The following KCNB2 variants were observed in gnomAD, a reference collection of about 807,000 sequenced individuals.
The protein encoded by KCNB2 is delayed rectifier potassium channel protein.
In KCNB2, 15 loss-of-function variants were observed where a neutral mutation model predicts 61.5. The ratio of observed to expected loss-of-function variants is 0.24; its 90% confidence interval spans 0.16 to 0.38. The LOEUF (loss-of-function observed/expected upper bound fraction) is 0.38. KCNB2 is among the 10% of genes least tolerant of loss of function. KCNB2 has a pLI of 1.00. For synonymous variants in KCNB2, 457 were observed against 446.0 expected (o/e 1.02, Z -0.31); for missense variants, 828 against 1,125.2 (o/e 0.74, Z 3.78).
intron 2 of KCNB2, among the ~76,000 whole-genome samples, chr8:72,657,578 C>A (rs1043579432): frequency 1.3e-5 from 2 of 152,062 alleles, no homozygotes; most frequent in African/African-American, 2.4e-5. Flanking sequence ...AAATTCACTT[C>A]GAAGGTACAT....
intron 2 of KCNB2, among the ~76,000 whole-genome samples, chr8:72,909,906 T>C (rs1370922312): frequency 6.6e-6 from 1 of 152,094 alleles, no homozygotes; most frequent in Non-Finnish European, 1.5e-5. Context: ...ATTTGAGGTA[T>C]GTTTGAGTGA....
chr8:72,647,118 T>A (rs1032847156), intron 2 of KCNB2, among the ~76,000 whole-genome samples: 2 of 151,980 alleles, frequency 1.3e-5, no homozygotes, highest in Non-Finnish European at 2.9e-5. Flanking sequence ...GCGTGAGGGG[T>A]TGGCAGGCTG....
At chr8:72,802,094 T>C (rs1008250412) in intron 2 of KCNB2, among the ~76,000 whole-genome samples, 4 of 152,238 alleles carry the variant, frequency 2.6e-5, no homozygotes, top group Admixed American at 6.5e-5. Context: ...GTAGTTTTAA[T>C]TGGTTTCAGA....
intron 1 of KCNB2, among the ~76,000 whole-genome samples, chr8:72,553,054 T>C (rs1806369615): frequency 6.6e-6 from 1 of 152,046 alleles, no homozygotes; most frequent in African/African-American, 2.4e-5. Context: ...GTTCAGATCC[T>C]TAACAACAAA....
intron 2 of KCNB2, among the ~76,000 whole-genome samples, chr8:72,689,096 T>C (rs1395366915): frequency 2.0e-5 from 3 of 152,150 alleles, no homozygotes; most frequent in Non-Finnish European, 2.9e-5. Context: ...GAAGGATAAA[T>C]AAATGGTATA....
rs115536468 is a variant in KCNB2, at chr8:72,712,208, T to C, written c.579+143895T>C. 7.2e-3 allele frequency among the ~76,000 whole-genome samples: 1,099 copies of C among 152,164 alleles called. 14 individuals are homozygous for C. Among genetic ancestry groups the C allele is most frequent in the African/African-American group, 0.025 (1,035 of 41,512 alleles). The stretch of plus-strand genomic sequence containing the variant: ...AGTGTAGAAAGAGAAGGCAATGAGG[T>C]GATAGGAAGAGAGGAAAGGAAAAGG... On this transcript the variant is annotated intron_variant, in intron 2 of 2. Transcript: ENST00000523207.
chr8:72,563,945 C>G (rs967934285), intron 1 of KCNB2, among the ~76,000 whole-genome samples: 5 of 152,140 alleles, frequency 3.3e-5, no homozygotes, highest in African/African-American at 9.7e-5. Context: ...ATTTTTAAGT[C>G]TTAAGAAAAT....
At chr8:72,647,997 G>A (rs1279645698) in intron 2 of KCNB2, among the ~76,000 whole-genome samples, 1 of 152,048 alleles carries the variant, frequency 6.6e-6, no homozygotes, top group Non-Finnish European at 1.5e-5. Context: ...GTGGTCAGGG[G>A]CCAATGGTCA....
At chr8:72,588,157 G>C (rs182926748) in intron 2 of KCNB2, among the ~76,000 whole-genome samples, 1 of 151,080 alleles carries the variant, frequency 6.6e-6, no homozygotes, top group Non-Finnish European at 1.5e-5. Context: ...TAGAGTTTTT[G>C]ATTTTTATTT....
intron 2 of KCNB2, among the ~76,000 whole-genome samples, chr8:72,705,897 G>A (rs1161261534): frequency 6.6e-6 from 1 of 152,228 alleles, no homozygotes; most frequent in Non-Finnish European, 1.5e-5. Flanking sequence ...GAGGTGCTAT[G>A]CAGGTTGTTC....
chr8:72,820,546 A>G (rs77935745), intron 2 of KCNB2, among the ~76,000 whole-genome samples: 4,685 of 152,042 alleles, frequency 0.031, 96 homozygotes, highest in Non-Finnish European at 0.041. Context: ...ATAAAATTGT[A>G]TCTAGATATA....
intron 2 of KCNB2, among the ~76,000 whole-genome samples, chr8:72,622,430 C>G (rs960495941): frequency 3.3e-4 from 50 of 152,308 alleles, no homozygotes; most frequent in African/African-American, 1.1e-3. Context: ...AATCTGCCAT[C>G]ATAGAGAACA....
intron 2 of KCNB2, among the ~76,000 whole-genome samples, chr8:72,911,618 T>A (rs1354302410): frequency 1.3e-5 from 2 of 152,232 alleles, no homozygotes; most frequent in African/African-American, 4.8e-5. Flanking sequence ...ACTTTCCAGC[T>A]GTCATGGTAG....
chr8:72,799,402 C>CATTATTATTATTTATT (rs201689978), intron 2 of KCNB2, among the ~76,000 whole-genome samples: 25,164 of 151,674 alleles, frequency 0.17, 2,409 homozygotes, highest in South Asian at 0.32. Flanking sequence ...TTCAAGAGCA[C>CATTATTATTATTTATT]ATTATTATTT....
At chr8:72,716,241 G>A (rs1807437933) in intron 2 of KCNB2, among the ~76,000 whole-genome samples, 2 of 152,056 alleles carry the variant, frequency 1.3e-5, no homozygotes, top group South Asian at 2.1e-4. Context: ...GTACAAGGAG[G>A]AACTGGTACC....
At chr8:72,821,660 A>C (rs1347379479) in intron 2 of KCNB2, among the ~76,000 whole-genome samples, 3 of 104,248 alleles carry the variant, frequency 2.9e-5, no homozygotes, top group Non-Finnish European at 4.2e-5. Flanking sequence ...AAAAAAAAAA[A>C]CACACACACA....
At chr8:72,668,506 G>A (rs1261721385) in intron 2 of KCNB2, among the ~76,000 whole-genome samples, 2 of 152,108 alleles carry the variant, frequency 1.3e-5, no homozygotes, top group Non-Finnish European at 2.9e-5. Context: ...GACAACCCAG[G>A]CCTGCTAAGT....
intron 2 of KCNB2, among the ~76,000 whole-genome samples, chr8:72,609,489 A>G (rs539085315): frequency 1.1e-4 from 16 of 152,340 alleles, no homozygotes; most frequent in African/African-American, 3.6e-4. Context: ...AGCGTAATAG[A>G]TATCTGCACT....
chr8:72,859,592 G>C (rs184662175), intron 2 of KCNB2, among the ~76,000 whole-genome samples: 2 of 151,234 alleles, frequency 1.3e-5, no homozygotes. Flanking sequence ...GCCTATTCTC[G>C]GCATTTCATA....
Sources: gnomAD v4.1 joint callset for allele counts (sites outside exome capture counted in the v4.1 genomes callset) on GRCh38, gnomAD v4.1.1 for gene constraint, MANE v1.5 for transcripts, NCBI Gene and HGNC (gene_info 2026-07-23, HGNC 2026-07-21) for gene names.